The following UBE3C variants were observed in gnomAD, a reference collection of about 807,000 sequenced individuals.
UBE3C encodes ubiquitin-protein ligase E3C.
In UBE3C, 42 loss-of-function variants were observed where a neutral mutation model predicts 129.4. The observed-to-expected ratio is 0.32, with a 90% confidence interval of 0.25 to 0.42. The LOEUF (loss-of-function observed/expected upper bound fraction) is 0.42, where lower values mean the gene tolerates loss of function less well. UBE3C is among the 10% of genes least tolerant of loss of function. The probability of loss-of-function intolerance (pLI) is 1.00; values close to 1 mark genes in which losing one functional copy is unlikely to be tolerated. For synonymous variants in UBE3C, 510 were observed against 492.4 expected (o/e 1.04, Z -0.47); for missense variants, 1,049 against 1,319.1 (o/e 0.80, Z 3.17).
chr7:157,178,788 A>G lies in UBE3C; in HGVS notation c.557A>G (p.Gln186Arg). 1.2e-6 allele frequency: 2 copies of G among 1,614,236 alleles called. No homozygotes were observed. The highest frequency in any genetic ancestry group is 1.7e-6 in the Non-Finnish European group (2 of 1,180,034). The change falls in exon 6 of 23, where the codon CAA (glutamine) becomes CGA (arginine). Residue 186 changes from glutamine to arginine, a missense_variant. Gln to Arg is a conservative substitution (Grantham distance 43). Coordinates refer to ENST00000348165, the MANE Select transcript of UBE3C (RefSeq NM_014671.3). ...SSENTYLPVL[Q>R]DASYVVSVIE... ...GAGAATACTTACTTGCCTGTTTTAC[A>G]AGATGCTAGCTATGTGGTGTCAGTG...
chr7:157,140,635 T>TGCCC (rs1422428083), intron 1 of UBE3C, among the ~76,000 whole-genome samples: 2 of 151,896 alleles, frequency 1.3e-5, no homozygotes, highest in Non-Finnish European at 2.9e-5. Flanking sequence ...TTTGAAGGAG[T>TGCCC]GCCCATTCAC....
intron 22 of UBE3C, among the ~76,000 whole-genome samples, chr7:157,261,282 G>A (rs1249802334): frequency 8.3e-6 from 1 of 120,958 alleles, no homozygotes; most frequent in Non-Finnish European, 1.6e-5. Context: ...CTCCAGCCTG[G>A]GCAACAAGAG....
At chr7:157,179,414 GACTGCATCGTAGAAGCTATACTGA>G (rs1808610658) in intron 6 of UBE3C, among the ~76,000 whole-genome samples, 1 of 152,120 alleles carries the variant, frequency 6.6e-6, no homozygotes, top group African/African-American at 2.4e-5. Flanking sequence ...CTCCTAAAAT[GACTGCATCGTAGAAGCTATACTGA>G]ACTGCATCTG....
Position 157,248,568 on chromosome 7 carries a change from G to A in UBE3C, c.2682G>A (p.Leu894=). ...ACTTCACTGTGGTGAACAATGACCT[G>A]GGAGAGGCGCAGGTGAGGGGTCAGG... ...GLNFTVVNND[L]GEAQVVELKF... The change falls in exon 19 of 23, where the codon CTG becomes CTA. Residue 894 remains leucine (L), a synonymous_variant. Transcript: ENST00000348165. The A allele has an allele frequency of 2.5e-6, 4 of 1,612,350 alleles. No homozygotes were observed. The highest frequency in any genetic ancestry group is 1.1e-5 in the South Asian group (1 of 90,990).
At chr7:157,263,367 T>G (rs1796973797) in intron 22 of UBE3C, 1 of 152,406 alleles carries the variant, frequency 6.6e-6, no homozygotes, top group South Asian at 2.1e-4. Context: ...CTTTGTGGGC[T>G]TGCCACACTT....
chr7:157,158,926 A>G (rs1224544060), intron 1 of UBE3C, among the ~76,000 whole-genome samples: 2 of 152,248 alleles, frequency 1.3e-5, no homozygotes, highest in East Asian at 1.9e-4. Flanking sequence ...ACCAGAAACT[A>G]CCAGAACTAA....
intron 18 of UBE3C, among the ~76,000 whole-genome samples, chr7:157,233,183 T>G (rs1293262732): frequency 6.6e-6 from 1 of 152,202 alleles, no homozygotes; most frequent in East Asian, 1.9e-4. Context: ...GTGATTGGCT[T>G]CTTTGATTTA....
intron 10 of UBE3C, among the ~76,000 whole-genome samples, chr7:157,187,721 C>T (rs1321996402): frequency 3.3e-5 from 5 of 151,770 alleles, no homozygotes; most frequent in Non-Finnish European, 5.9e-5. Flanking sequence ...GGACTACAGG[C>T]GCCCGCCACC....
At chr7:157,234,607 G>A (rs6459744) in intron 18 of UBE3C, among the ~76,000 whole-genome samples, 20,824 of 152,038 alleles carry the variant, frequency 0.14, 4,079 homozygotes, top group African/African-American at 0.44. Flanking sequence ...ATGCATTGTC[G>A]TAGCCCCAGT....
intron 18 of UBE3C, chr7:157,231,844 G>T (rs1002832293): frequency 2.6e-5 from 4 of 154,424 alleles, no homozygotes; most frequent in Non-Finnish European, 5.7e-5. Flanking sequence ...AGTCAAAACG[G>T]ACTAAGACAG....
chr7:157,140,833 G>A lies in UBE3C; in HGVS notation c.66+1495G>A, dbSNP rs112411781. Among the ~76,000 whole-genome samples, 1,431 of 152,314 alleles carry A rather than the reference G, an allele frequency of 9.4e-3. 15 individuals carry two copies. The highest frequency in any genetic ancestry group is 0.033 in the African/African-American group (1,367 of 41,570). On this transcript the variant is annotated intron_variant, in intron 1 of 22. Coordinates refer to ENST00000348165, the MANE Select transcript of UBE3C (RefSeq NM_014671.3). ...AGAATCTCAAGGGAAGATAGCACGAGCTGTGTAAAAGAATCACCCCTTTAA... is the reference window on the plus strand; with the variant it reads ...AGAATCTCAAGGGAAGATAGCACGAACTGTGTAAAAGAATCACCCCTTTAA...
chr7:157,253,131 G>A (rs756736969), intron 19 of UBE3C, among the ~76,000 whole-genome samples: 13 of 152,014 alleles, frequency 8.6e-5, no homozygotes, highest in East Asian at 1.9e-4. Context: ...TATTTTGCTC[G>A]TGTACTGTTT....
intron 6 of UBE3C, 70 bp downstream of exon 6, chr7:157,178,917 G>GC: frequency 6.4e-7 from 1 of 1,558,472 alleles, no homozygotes; most frequent in Non-Finnish European, 8.7e-7. Flanking sequence ...CCAGCCTGCT[G>GC]CTGTGAGCCT....
In UBE3C at chr7:157,254,139, T is replaced by C; in HGVS notation, c.2880T>C (p.Ile960=). 1.9e-6 allele frequency: 3 copies of C among 1,611,006 alleles called. No individual in the cohort carries two copies. Among genetic ancestry groups the C allele is most frequent in the Non-Finnish European group, 2.5e-6 (3 of 1,178,178 alleles). The change falls in exon 20 of 23, where the codon ATT becomes ATC. Residue 960 remains isoleucine (I), a synonymous_variant. Transcript: ENST00000348165. ...TCCGAATGTTTGATCAGCAAGAAAT[T>C]CAGGTACCCTACCTGCTGACTTTCT... ...EWLRMFDQQE[I]QVLISGAQVP...
rs540477820 is a variant in UBE3C, at chr7:157,161,038, TAAG to T, written c.67-2770_67-2768del. 1.9e-3 allele frequency among the ~76,000 whole-genome samples: 286 copies of T among 152,258 alleles called. 1 individual carries two copies. The highest frequency in any genetic ancestry group is 6.7e-3 in the African/African-American group (280 of 41,538). On this transcript the variant is annotated intron_variant, in intron 1 of 22. Coordinates refer to ENST00000348165, the MANE Select transcript of UBE3C (RefSeq NM_014671.3). The stretch of plus-strand genomic sequence containing the variant: ...ATGAAAGATGAAGATAAGAACTCTA[TAAG>T]ATTGGAGGAAGATTAAGAAGAAATA...
intron 18 of UBE3C, among the ~76,000 whole-genome samples, chr7:157,242,514 GTTTT>G (rs33913991): frequency 1.8e-5 from 2 of 112,110 alleles, no homozygotes; most frequent in African/African-American, 7.3e-5. Context: ...AGCCTGAGTT[GTTTT>G]TTTTTTTTTT....
chr7:157,199,672 T>C (rs1809225668), intron 10 of UBE3C, among the ~76,000 whole-genome samples: 1 of 152,014 alleles, frequency 6.6e-6, no homozygotes, highest in East Asian at 1.9e-4. Flanking sequence ...GGTTTCACCA[T>C]GTTGGCCAGT....
intron 17 of UBE3C, among the ~76,000 whole-genome samples, chr7:157,226,746 C>T (rs1052473721): frequency 3.3e-5 from 5 of 150,190 alleles, no homozygotes; most frequent in African/African-American, 1.2e-4. Context: ...CACAATTTAC[C>T]GTTGCCATTG....
At chr7:157,265,158 C>T (rs1374678407) in intron 22 of UBE3C, among the ~76,000 whole-genome samples, 2 of 152,202 alleles carry the variant, frequency 1.3e-5, no homozygotes, top group Non-Finnish European at 2.9e-5. Flanking sequence ...GTGGGTGAAG[C>T]CCCTGCTCCT....
Sources: allele counts gnomAD v4.1 joint callset (sites outside exome capture counted in the v4.1 genomes callset), GRCh38; gene constraint gnomAD v4.1.1; transcripts MANE v1.5; gene names NCBI Gene and HGNC (gene_info 2026-07-23, HGNC 2026-07-21).